SLC13A3: variants seen among roughly 807,000 people sequenced by gnomAD.
The protein encoded by SLC13A3 is solute carrier family 13 member 3.
SLC13A3 carries 40 observed loss-of-function variants against 59.0 expected under a neutral mutation model. The ratio of observed to expected loss-of-function variants is 0.68; its 90% CI spans 0.53 to 0.88. The LOEUF is 0.88. Among genes scored for constraint, SLC13A3 ranks in the 40% least tolerant of loss-of-function variants. The pLI, the probability that SLC13A3 is intolerant of heterozygous loss-of-function variation, is 0.00. For synonymous variants in SLC13A3, 317 were observed against 330.3 expected (o/e 0.96, Z 0.44); for missense variants, 699 against 783.2 (o/e 0.89, Z 1.28).
intron 11 of SLC13A3, among the ~76,000 whole-genome samples, chr20:46,565,619 C>G (rs531614767): frequency 6.6e-6 from 1 of 152,156 alleles, no homozygotes; most frequent in Admixed American, 6.5e-5. Context: ...TGGCAGAGCC[C>G]GGCCTGGGGC....
chr20:46,560,364 T>A (rs1399092584), intron 12 of SLC13A3, among the ~76,000 whole-genome samples, 166 bp from the exon 13 acceptor site: 1 of 152,150 alleles, frequency 6.6e-6, no homozygotes, highest in African/African-American at 2.4e-5. Context: ...CCCTTCAATC[T>A]TTACACTACC....
chr20:46,614,788 C>A (rs2062539246), intron 1 of SLC13A3, among the ~76,000 whole-genome samples: 1 of 152,168 alleles, frequency 6.6e-6, no homozygotes, highest in African/African-American at 2.4e-5. Flanking sequence ...ACCTCCACAG[C>A]CAGACCTTCA....
chr20:46,655,616 T>C (rs1175634567), upstream of SLC13A3, among the ~76,000 whole-genome samples: 4 of 147,690 alleles, frequency 2.7e-5, no homozygotes, highest in Non-Finnish European at 5.9e-5. Context: ...TATCCATTCA[T>C]TTGTTGATAG....
At chr20:46,612,123 G>GTTTT (rs1568936280) in intron 2 of SLC13A3, among the ~76,000 whole-genome samples, 6 of 68,882 alleles carry the variant, frequency 8.7e-5, no homozygotes, top group African/African-American at 3.1e-4. Flanking sequence ...CTCTCTCTTT[G>GTTTT]CTTTTTTTTT....
chr20:46,650,111 GGGCTGGGCAGGGCACA>G (rs2062937619), intron 1 of SLC13A3, among the ~76,000 whole-genome samples: 2 of 152,184 alleles, frequency 1.3e-5, no homozygotes, highest in Admixed American at 1.3e-4. Context: ...TGCCCTGGCT[GGGCTGGGCAGGGCACA>G]GGTGAAGAAC....
chr20:46,575,747 A>G (rs2062070252), intron 9 of SLC13A3, 62 bp from the exon 10 acceptor site: 1 of 972,556 alleles, frequency 1.0e-6, no homozygotes, highest in African/African-American at 1.7e-5. Context: ...AGAGGCCACC[A>G]GCCCTGAGCC....
chr20:46,643,683 TCTGAC>T (rs2062867131), intron 1 of SLC13A3, among the ~76,000 whole-genome samples: 1 of 152,216 alleles, frequency 6.6e-6, no homozygotes, highest in Admixed American at 6.5e-5. Flanking sequence ...GAACTTGACC[TCTGAC>T]CCCCCTCACC....
chr20:46,643,255 A>G (rs1242462610), intron 1 of SLC13A3, among the ~76,000 whole-genome samples: 1 of 152,200 alleles, frequency 6.6e-6, no homozygotes, highest in African/African-American at 2.4e-5. Flanking sequence ...AAAACATAAT[A>G]CGTTGCCAGG....
intron 12 of SLC13A3, 140 bp from the exon 13 acceptor site, chr20:46,560,338 C>G: frequency 1.4e-6 from 1 of 715,184 alleles, no homozygotes; most frequent in South Asian, 1.8e-5. Context: ...AGACCCAGGT[C>G]GGTAAATGCC....
chr20:46,640,466 C>T (rs1236913681), intron 1 of SLC13A3, among the ~76,000 whole-genome samples: 4 of 152,152 alleles, frequency 2.6e-5, no homozygotes, highest in Non-Finnish European at 4.4e-5. Context: ...CAGGCACCTT[C>T]CCATGGCTGT....
intron 1 of SLC13A3, among the ~76,000 whole-genome samples, chr20:46,664,358 G>A (rs929136491): frequency 5.3e-5 from 8 of 152,232 alleles, no homozygotes; most frequent in Non-Finnish European, 1.0e-4. Flanking sequence ...CAGCTTTGGG[G>A]CCTGGGCATT....
chr20:46,639,414 G>A (rs755347756), intron 1 of SLC13A3, among the ~76,000 whole-genome samples: 14 of 152,094 alleles, frequency 9.2e-5, no homozygotes, highest in South Asian at 4.2e-4. Flanking sequence ...AGCTGAGATC[G>A]TGCCACTGCA....
chr20:46,669,700 T>G (rs2063080689), intron 1 of SLC13A3, among the ~76,000 whole-genome samples: 2 of 152,252 alleles, frequency 1.3e-5, no homozygotes, highest in Non-Finnish European at 2.9e-5. Flanking sequence ...ATTGTACTAC[T>G]ATTTGTATAA....
chr20:46,628,466 C>A (rs577351690), intron 1 of SLC13A3, among the ~76,000 whole-genome samples: 3 of 152,282 alleles, frequency 2.0e-5, no homozygotes, highest in African/African-American at 7.2e-5. Context: ...GAACTGACGG[C>A]AAGGCCTAAC....
At chr20:46,655,854 AATAT>A (rs989348370), upstream of SLC13A3, among the ~76,000 whole-genome samples, 17 of 137,418 alleles carry the variant, frequency 1.2e-4, no homozygotes, top group African/African-American at 4.4e-4. Context: ...TACTGTATAT[AATAT>A]ATATACTGTA....
chr20:46,606,495 G>A (rs1234077305), intron 3 of SLC13A3, among the ~76,000 whole-genome samples: 1 of 152,218 alleles, frequency 6.6e-6, no homozygotes. Context: ...TAGATGGCAA[G>A]TTAGCTTTCT....
Position 46,590,317 on chromosome 20 carries a change from T to C in SLC13A3, c.921-1062A>G, listed in dbSNP as rs139170679. Among the ~76,000 whole-genome samples, 460 of 151,562 alleles carry C rather than the reference T, an allele frequency of 3.0e-3. 3 individuals carry two copies. The highest frequency in any genetic ancestry group is 0.02 in the Admixed American group (301 of 15,248). ...TGTAACTGAAATTTCAGAAACCATA[T>C]GAGAAAAGATTGAAAAAAAAATTAA... On this transcript the variant is annotated intron_variant, in intron 6 of 12. Transcript: ENST00000279027.
chr20:46,629,637 T>G (rs144485382), intron 1 of SLC13A3, among the ~76,000 whole-genome samples: 137 of 152,362 alleles, frequency 9.0e-4, no homozygotes, highest in Middle Eastern at 3.4e-3. Flanking sequence ...TCTCTGATTA[T>G]GTTTTTAATA....
At chr20:46,644,274 A>C (rs933199523) in intron 1 of SLC13A3, among the ~76,000 whole-genome samples, 18 of 152,258 alleles carry the variant, frequency 1.2e-4, no homozygotes, top group Non-Finnish European at 1.3e-4. Context: ...TGCTAACTAT[A>C]AGCCAGCACT....
Sources: gnomAD v4.1 joint callset for allele counts (sites outside exome capture counted in the v4.1 genomes callset) on GRCh38, gnomAD v4.1.1 for gene constraint, MANE v1.5 for transcripts, NCBI Gene and HGNC (gene_info 2026-07-23, HGNC 2026-07-21) for gene names.